DPP6: variants seen among roughly 807,000 people sequenced by gnomAD.
DPP6 encodes the protein A-type potassium channel modulatory protein DPP6.
DPP6 carries 69 observed loss-of-function variants against 122.6 expected under a neutral mutation model. That is an observed-to-expected ratio of 0.56 (90% confidence interval 0.46 to 0.69). The LOEUF is 0.69. DPP6 is among the 30% of genes least tolerant of loss of function. DPP6 has a pLI of 0.00. For synonymous variants in DPP6, 418 were observed against 433.1 expected (o/e 0.97, Z 0.43); for missense variants, 928 against 1,116.9 (o/e 0.83, Z 2.41).
chr7:154,222,632 G>A (rs1224161349), intron 1 of DPP6, among the ~76,000 whole-genome samples: 1 of 149,274 alleles, frequency 6.7e-6, no homozygotes, highest in African/African-American at 2.6e-5. Context: ...TCCAGCCTGG[G>A]CAACAAGAGT....
intron 1 of DPP6, among the ~76,000 whole-genome samples, chr7:154,245,938 T>C (rs1563363392): frequency 1.3e-5 from 2 of 152,304 alleles, no homozygotes; most frequent in African/African-American, 4.8e-5. Flanking sequence ...TGTGACTTAA[T>C]TGACATTTAC....
At chr7:154,675,796 C>G (rs941859623) in intron 7 of DPP6, among the ~76,000 whole-genome samples, 2 of 152,208 alleles carry the variant, frequency 1.3e-5, no homozygotes, top group African/African-American at 4.8e-5. Context: ...TCATAACTGT[C>G]CCCGTCTGTT....
chr7:154,873,125 C>G (rs1804534212), intron 19 of DPP6, among the ~76,000 whole-genome samples: 1 of 152,214 alleles, frequency 6.6e-6, no homozygotes, highest in Non-Finnish European at 1.5e-5. Flanking sequence ...TTTTCACCAG[C>G]AAAGAATTTT....
intron 1 of DPP6, among the ~76,000 whole-genome samples, chr7:153,938,013 T>G (rs547791525): frequency 6.6e-6 from 1 of 152,300 alleles, no homozygotes; most frequent in East Asian, 1.9e-4. Flanking sequence ...AGTTCTCTCT[T>G]AGTAAGGAGA....
At chr7:153,964,152 C>A (rs71545684) in intron 1 of DPP6, among the ~76,000 whole-genome samples, 1 of 152,124 alleles carries the variant, frequency 6.6e-6, no homozygotes, top group East Asian at 1.9e-4. Context: ...CCCCCCACCA[C>A]GCCTGGCCAA....
At chr7:154,496,048 CAATTT>C (rs1392270797) in intron 3 of DPP6, among the ~76,000 whole-genome samples, 2 of 152,166 alleles carry the variant, frequency 1.3e-5, no homozygotes, top group African/African-American at 2.4e-5. Flanking sequence ...TCGTAATAGA[CAATTT>C]AGTAGGCAAA....
At chr7:153,775,570 C>A in the DPP6 span, among the ~76,000 whole-genome samples, 1 of 151,662 alleles carries the variant, frequency 6.6e-6, no homozygotes, top group African/African-American at 2.4e-5. Context: ...ATTTTATTTA[C>A]TTATTACCAC....
upstream of DPP6, among the ~76,000 whole-genome samples, chr7:153,886,396 G>A (rs951283425): frequency 6.6e-6 from 1 of 152,098 alleles, no homozygotes; most frequent in African/African-American, 2.4e-5. Flanking sequence ...AGAGAAATGG[G>A]CGCTGGGATT....
chr7:154,771,128 T>TG (rs1796225916), intron 9 of DPP6, among the ~76,000 whole-genome samples: 1 of 152,254 alleles, frequency 6.6e-6, no homozygotes, highest in African/African-American at 2.4e-5. Context: ...ACAGACCAGC[T>TG]GGCTTACAGT....
chr7:154,391,691 G>T (rs373660856), intron 1 of DPP6, among the ~76,000 whole-genome samples: 36 of 152,258 alleles, frequency 2.4e-4, no homozygotes, highest in African/African-American at 7.7e-4. Flanking sequence ...GTTCATCTTG[G>T]CTATAGATGC....
intron 1 of DPP6, chr7:154,058,919 C>T (rs1348509747): frequency 6.6e-6 from 1 of 151,314 alleles, no homozygotes; most frequent in Non-Finnish European, 1.5e-5. Context: ...CCTCTTCCGC[C>T]CCTGGCTGTT....
chr7:154,353,459 A>G (rs1257596452), intron 1 of DPP6, among the ~76,000 whole-genome samples: 6 of 152,052 alleles, frequency 3.9e-5, no homozygotes, highest in Admixed American at 3.9e-4. Context: ...CCCCAGCATA[A>G]AGGAACCAGC....
At chr7:154,552,666 T>G (rs1829721607) in intron 4 of DPP6, among the ~76,000 whole-genome samples, 1 of 152,174 alleles carries the variant, frequency 6.6e-6, no homozygotes, top group South Asian at 2.1e-4. Context: ...AAGCCAAATG[T>G]GAGGATCAGC....
intron 7 of DPP6, among the ~76,000 whole-genome samples, chr7:154,709,958 C>T (rs1340306040): frequency 2.6e-5 from 4 of 152,188 alleles, no homozygotes; most frequent in East Asian, 1.9e-4. Flanking sequence ...GCATACATTC[C>T]GGCTCTGCCT....
the DPP6 span, among the ~76,000 whole-genome samples, chr7:153,759,414 G>A: frequency 6.6e-6 from 1 of 151,946 alleles, no homozygotes; most frequent in Non-Finnish European, 1.5e-5. Context: ...CACCTCCTGG[G>A]CTCAAGCGAT....
rs377580144 is a variant in DPP6, at chr7:154,892,288, G to C, written c.2452-46G>C. On this transcript the variant is annotated intron_variant, in intron 25 of 25. Transcript: ENST00000377770. ...ACCTTCTGTGCGTTCCCGTCCCCTG[G>C]GGAGCGTATACCTGGGAGAGTAATT... The C allele has an allele frequency of 1.5e-5, 25 of 1,613,418 alleles. No individual in the cohort carries two copies. The African/African-American group carries it at 3.1e-4, about 20-fold the overall frequency.
chr7:154,313,685 G>GTGTGTGTGTGTGTATATATATATC, intron 1 of DPP6, among the ~76,000 whole-genome samples: 1 of 20,468 alleles, frequency 4.9e-5, no homozygotes, highest in Admixed American at 6.2e-4. Context: ...TTAAGATATG[G>GTGTGTGTGTGTGTATATATATATC]TATATATATA....
intron 1 of DPP6, among the ~76,000 whole-genome samples, chr7:153,898,222 G>A (rs1047801723): frequency 6.6e-6 from 1 of 152,196 alleles, no homozygotes; most frequent in Non-Finnish European, 1.5e-5. Context: ...GGAGGTCGAG[G>A]TGGGAGAATT....
At chr7:154,061,766 C>G (rs565562563) in intron 1 of DPP6, among the ~76,000 whole-genome samples, 136 of 107,544 alleles carry the variant, frequency 1.3e-3, no homozygotes, top group South Asian at 0.012. Context: ...CTCTTTGCAC[C>G]CCCATCGCAG....
Sources: allele counts gnomAD v4.1 joint callset (sites outside exome capture counted in the v4.1 genomes callset), GRCh38; gene constraint gnomAD v4.1.1; transcripts MANE v1.5; gene names NCBI Gene and HGNC (gene_info 2026-07-23, HGNC 2026-07-21).